NLRC4: variants seen among roughly 807,000 people sequenced by gnomAD.
NLRC4 encodes the protein NLR family CARD domain containing 4, also known as NLR family CARD domain-containing protein 4.
Under a neutral mutation model 79.9 loss-of-function variants are expected in NLRC4, and 63 were observed. The ratio of observed to expected loss-of-function variants is 0.79; its 90% CI spans 0.64 to 0.97. The LOEUF is 0.97. Among genes scored for constraint, NLRC4 ranks in the 50% least tolerant of loss-of-function variants. The pLI, the probability that NLRC4 is intolerant of heterozygous loss-of-function variation, is 0.00. For missense variants in NLRC4, 1,074 were observed against 1,215.2 expected (o/e 0.88, Z 1.73); for synonymous variants, 461 against 456.5 (o/e 1.01, Z -0.12).
intron 4 of NLRC4, among the ~76,000 whole-genome samples, chr2:32,248,761 A>G (rs1686997094): frequency 6.6e-6 from 1 of 151,740 alleles, no homozygotes; most frequent in South Asian, 2.1e-4. Context: ...GCAAGACCCA[A>G]CCTCGAAAAA....
chr2:32,261,096 G>C (rs1291943381), intron 1 of NLRC4, among the ~76,000 whole-genome samples: 2 of 151,154 alleles, frequency 1.3e-5, no homozygotes, highest in East Asian at 4.0e-4. Flanking sequence ...GGGAGGCTGA[G>C]GCAGGAGAAT....
chr2:32,231,678 T>C (rs1686542517), intron 8 of NLRC4, among the ~76,000 whole-genome samples: 1 of 149,888 alleles, frequency 6.7e-6, no homozygotes, highest in Non-Finnish European at 1.5e-5. Context: ...CAAGCCATCC[T>C]CCCACCTCAG....
intron 2 of NLRC4, among the ~76,000 whole-genome samples, chr2:32,254,678 G>C (rs2148945150): frequency 6.8e-6 from 1 of 147,174 alleles, no homozygotes; most frequent in South Asian, 2.2e-4. Context: ...GAGTGCAATG[G>C]CGCGATCTCA....
intron 8 of NLRC4, among the ~76,000 whole-genome samples, chr2:32,233,349 A>ATATATATATATTTT (rs1418146489): frequency 2.4e-5 from 1 of 41,102 alleles, no homozygotes; most frequent in Admixed American, 3.9e-4. Flanking sequence ...ATATATATAT[A>ATATATATATATTTT]TTTTTTTTTT....
At chr2:32,259,462 C>G (rs1032299297) in intron 1 of NLRC4, among the ~76,000 whole-genome samples, 6 of 151,602 alleles carry the variant, frequency 4.0e-5, no homozygotes, top group African/African-American at 1.2e-4. Flanking sequence ...ATCCATCCCT[C>G]TATTCATTTA....
intron 8 of NLRC4, among the ~76,000 whole-genome samples, chr2:32,233,341 ATATATATATTTTTT>A (rs1458215705): frequency 4.4e-5 from 2 of 45,444 alleles, no homozygotes; most frequent in African/African-American, 2.3e-4. Flanking sequence ...ATATATATAT[ATATATATATTTTTT>A]TTTTTTTTTT....
chr2:32,256,209 A>G (rs577437338), intron 2 of NLRC4, among the ~76,000 whole-genome samples: 18 of 152,244 alleles, frequency 1.2e-4, no homozygotes, highest in African/African-American at 4.3e-4. Flanking sequence ...ATGCTTTTCA[A>G]TAGAACTTTC....
chr2:32,225,382 G>GCA (rs747003201), intron 8 of NLRC4, among the ~76,000 whole-genome samples: 12,979 of 147,852 alleles, frequency 0.088, 631 homozygotes, highest in Middle Eastern at 0.15. Context: ...CACAAAGAAT[G>GCA]CACACACACA....
intron 1 of NLRC4, among the ~76,000 whole-genome samples, chr2:32,261,079 G>C (rs1423151806): frequency 1.3e-5 from 2 of 151,284 alleles, no homozygotes; most frequent in South Asian, 2.1e-4. Context: ...TGTAGTCCCA[G>C]CTAATCGGGA....
intron 1 of NLRC4, among the ~76,000 whole-genome samples, chr2:32,260,916 G>C (rs888534224): frequency 6.6e-6 from 1 of 152,126 alleles, no homozygotes; most frequent in African/African-American, 2.4e-5. Context: ...GCATTGGCTG[G>C]GTGCAGTGGC....
chr2:32,231,289 G>C (rs1465403352), intron 8 of NLRC4, among the ~76,000 whole-genome samples: 2 of 151,946 alleles, frequency 1.3e-5, no homozygotes, highest in Non-Finnish European at 2.9e-5. Context: ...AGAGTAGCTG[G>C]GATTACAGGT....
At chr2:32,231,573 G>C (rs1421456688) in intron 8 of NLRC4, among the ~76,000 whole-genome samples, 7 of 28,052 alleles carry the variant, frequency 2.5e-4, no homozygotes, top group Admixed American at 5.0e-4. Flanking sequence ...ATTTTTTTTT[G>C]TGGGGGGGGG....
intron 2 of NLRC4, among the ~76,000 whole-genome samples, chr2:32,256,062 A>G (rs1035170900): frequency 2.0e-5 from 3 of 151,980 alleles, no homozygotes; most frequent in Non-Finnish European, 4.4e-5. Flanking sequence ...AAACAGTAAG[A>G]TATTATTTTA....
intron 4 of NLRC4, among the ~76,000 whole-genome samples, chr2:32,244,663 C>T (rs953548839): frequency 6.6e-6 from 1 of 152,152 alleles, no homozygotes; most frequent in African/African-American, 2.4e-5. Flanking sequence ...ACACCCCCTT[C>T]TGCAAACCCC....
chr2:32,261,863 A>G (rs1358926556), intron 1 of NLRC4, among the ~76,000 whole-genome samples: 1 of 151,862 alleles, frequency 6.6e-6, no homozygotes, highest in Non-Finnish European at 1.5e-5. Context: ...CAGGTGGATC[A>G]CGAGGTCAAG....
chr2:32,240,936 C>T (rs1573480578), intron 5 of NLRC4, 97 bp downstream of exon 5: 2 of 733,002 alleles, frequency 2.7e-6, no homozygotes, highest in Non-Finnish European at 4.7e-6. Flanking sequence ...ATAAAAACAT[C>T]CTTGCCTTGT....
chr2:32,244,746 A>T (rs552522360), intron 4 of NLRC4, among the ~76,000 whole-genome samples: 3 of 151,296 alleles, frequency 2.0e-5, no homozygotes, highest in African/African-American at 7.3e-5. Context: ...TGCGAGACTG[A>T]TGGGGAGGAT....
rs138882304 is a variant in NLRC4, at chr2:32,243,503, T to C, written c.2258-2378A>G. Among the ~76,000 whole-genome samples, 1,023 of 151,178 alleles carry C rather than the reference T, an allele frequency of 6.8e-3. 16 individuals carry two copies. Among genetic ancestry groups the C allele is most frequent in the African/African-American group, 0.024 (987 of 41,220 alleles). On this transcript the variant is annotated intron_variant, in intron 4 of 8. Transcript: ENST00000402280. ...CAAAATAGAAAATGGAATTCAGTCATGCATAAAAGAATATTACGGCAGGCG... is the reference window on the plus strand; with the variant it reads ...CAAAATAGAAAATGGAATTCAGTCACGCATAAAAGAATATTACGGCAGGCG...
rs552256348 is a variant in NLRC4 at position 32,253,150 on chromosome 2, G to A, written c.2-471C>T. Among the ~76,000 whole-genome samples the A allele has an allele frequency of 2.6e-5, 4 of 152,078 alleles. No individual in the cohort carries two copies. In the East Asian group the frequency reaches 7.8e-4, roughly 29 times the overall value. On this transcript the variant is annotated intron_variant, in intron 2 of 8. Coordinates refer to ENST00000402280, the MANE Select transcript of NLRC4 (RefSeq NM_001199138.2). ...ATTCCAGGCCTTCAAGAAATGCTCT[G>A]CCAAGCATTTTTTTTCTGAGACGGA...
Sources: allele counts gnomAD v4.1 joint callset (sites outside exome capture counted in the v4.1 genomes callset), GRCh38; gene constraint gnomAD v4.1.1; transcripts MANE v1.5; gene names NCBI Gene and HGNC (gene_info 2026-07-23, HGNC 2026-07-21).